The following SYTL2 variants were observed in gnomAD, a reference collection of about 807,000 sequenced individuals.
SYTL2 encodes synaptotagmin like 2.
Under a neutral mutation model 198.7 loss-of-function variants are expected in SYTL2, and 165 were observed. That is an observed-to-expected ratio of 0.83 (90% CI 0.73 to 0.94). The LOEUF (loss-of-function observed/expected upper bound fraction) is 0.94, where lower values mean the gene tolerates loss of function less well. Ranked by LOEUF, SYTL2 falls within the 40% of genes least tolerant of loss-of-function variation. The pLI, the probability that SYTL2 is intolerant of heterozygous loss-of-function variation, is 0.00. For missense variants in SYTL2, 2,835 were observed against 2,582.8 expected (o/e 1.10, Z -2.12); for synonymous variants, 966 against 917.7 (o/e 1.05, Z -0.95).
In SYTL2 at chr11:85,734,355, T is replaced by G. The variant is rs1591806247; in HGVS notation, c.974A>C (p.Asn325Thr). The stretch of plus-strand genomic sequence containing the variant: ...CACATGCTTTAATGGCTCCAGGGAG[T>G]TTGGGGAAGAGTTGTCTTCTAAAGA... ...EHSLEDNSSP[N>T]SLEPLKHVRF... Residue 325 changes from asparagine (N) to threonine (T), a missense_variant, in exon 7 of 20, where the codon AAC becomes ACC. Coordinates refer to ENST00000359152, the MANE Select transcript of SYTL2 (RefSeq NM_206927.4). 1 of 1,614,054 alleles carries G rather than the reference T, an allele frequency of 6.2e-7. No homozygotes were observed. Among genetic ancestry groups the G allele is most frequent in the Non-Finnish European group, 8.5e-7 (1 of 1,180,006 alleles).
At position 85,789,401 on chromosome 11, in the gene SYTL2, A is replaced by AT. The variant is rs1160829204; in HGVS notation, c.-390+21552dup. 1.1e-3 allele frequency among the ~76,000 whole-genome samples: 69 copies of AT among 60,460 alleles called. 1 individual carries two copies. The highest frequency in any genetic ancestry group is 1.8e-3 in the East Asian group (4 of 2,238). 39.7% of individuals were successfully genotyped at this position (60,460 alleles called of 152,430 possible). ...ATGTATATATATATATATATATATA[A>AT]TTTTTTTTTTTTTTGTAGAGACAAA... On this transcript the variant is annotated intron_variant, in intron 1 of 19. Coordinates refer to ENST00000359152, the MANE Select transcript of SYTL2 (RefSeq NM_206927.4).
chr11:85,794,918 G>A (rs1010827103), intron 1 of SYTL2, among the ~76,000 whole-genome samples: 1 of 151,854 alleles, frequency 6.6e-6, no homozygotes, highest in East Asian at 1.9e-4. Flanking sequence ...TAAAGAGATG[G>A]TCTTTCAAAA....
rs199722278 is a variant in SYTL2, at chr11:85,705,054, T to C, written c.6019-26A>G. ...CTGAAGTTCAAAGAAGAAAATTAAA[T>C]GATGAAAAACATTACTTGATGCCAA... On this transcript the variant is annotated intron_variant, in intron 15 of 19. Coordinates refer to ENST00000359152, the MANE Select transcript of SYTL2 (RefSeq NM_206927.4). 2.1e-5 allele frequency: 33 copies of C among 1,568,570 alleles called. No individual in the cohort carries two copies. In the East Asian group the frequency reaches 7.0e-4, roughly 33 times the overall value.
At chr11:85,722,113 G>T (rs573766) in intron 8 of SYTL2, among the ~76,000 whole-genome samples, 103,072 of 150,544 alleles carry the variant, frequency 0.68, 35,397 homozygotes, top group Middle Eastern at 0.72. Flanking sequence ...TATACCATTT[G>T]ATACTTCTTA....
intron 14 of SYTL2, chr11:85,708,067 G>A (rs1382586924): frequency 2.5e-6 from 1 of 406,142 alleles, no homozygotes; most frequent in Non-Finnish European, 4.8e-6. Context: ...GGAGGCTGAG[G>A]CAGGAGAATC....
At chr11:85,723,166 A>G (rs2088606895) in intron 8 of SYTL2, among the ~76,000 whole-genome samples, 1 of 152,172 alleles carries the variant, frequency 6.6e-6, no homozygotes, top group African/African-American at 2.4e-5. Flanking sequence ...TAAATAGCAA[A>G]CTGAGACAAG....
intron 1 of SYTL2, among the ~76,000 whole-genome samples, chr11:85,789,334 G>A (rs2092686407): frequency 3.6e-5 from 1 of 27,462 alleles, no homozygotes; most frequent in Non-Finnish European, 6.5e-5. Context: ...ATGTGTGTGT[G>A]TGTGTGTATA....
Position 85,757,872 on chromosome 11 carries a change from CA to C in SYTL2, c.-148del. 1.6e-6 allele frequency: 2 copies of C among 1,230,340 alleles called. No individual in the cohort carries two copies. The highest frequency in any genetic ancestry group is 2.3e-5 in the Admixed American group (1 of 43,362). 76.2% of individuals were successfully genotyped at this position (1,230,340 alleles called of 1,614,324 possible). A position where few individuals can be genotyped will look rare whatever the true frequency, so the allele number is the denominator to read the frequency against. ...GCATCAAAGTCTTATTTTGGCTCAGCAAAAGTTTAGGGCAGCTGATAGCAAG... is the reference window on the plus strand; with the variant it reads ...GCATCAAAGTCTTATTTTGGCTCAGCAAAGTTTAGGGCAGCTGATAGCAAG... On this transcript the variant is annotated 5_prime_UTR_variant, in exon 2 of 20. Transcript: ENST00000359152.
chr11:85,819,848 C>T, the SYTL2 span, among the ~76,000 whole-genome samples: 2 of 152,220 alleles, frequency 1.3e-5, no homozygotes, highest in Non-Finnish European at 2.9e-5. Context: ...ATATGTAACA[C>T]TCCACTTTAA....
intron 1 of SYTL2, among the ~76,000 whole-genome samples, chr11:85,796,287 A>G (rs2092803032): frequency 6.6e-6 from 1 of 152,210 alleles, no homozygotes; most frequent in Non-Finnish European, 1.5e-5. Flanking sequence ...TAAGAATTAA[A>G]AGGATGATTC....
chr11:85,711,084 A>G (rs2086190372), intron 13 of SYTL2, 29 bp downstream of exon 13: 1 of 1,611,708 alleles, frequency 6.2e-7, no homozygotes, highest in Non-Finnish European at 8.5e-7. Context: ...ACGCGGAGAG[A>G]TATTAATATG....
chr11:85,791,874 GC>G (rs1296465468), intron 1 of SYTL2, among the ~76,000 whole-genome samples: 1 of 152,064 alleles, frequency 6.6e-6, no homozygotes, highest in Non-Finnish European at 1.5e-5. Flanking sequence ...ACTGAGAAAG[GC>G]CCATAACTCC....
At chr11:85,812,744 A>G (rs116709775), upstream of SYTL2, among the ~76,000 whole-genome samples, 151 of 152,320 alleles carry the variant, frequency 9.9e-4, 1 homozygote, top group African/African-American at 3.5e-3. Flanking sequence ...ATTTGGGACA[A>G]TGAGGCAGAG....
chr11:85,808,012 G>A (rs759155714), intron 1 of SYTL2, among the ~76,000 whole-genome samples: 30 of 152,028 alleles, frequency 2.0e-4, no homozygotes, highest in Non-Finnish European at 4.1e-4. Context: ...GATTTGGAAC[G>A]CTATATCCCA....
the SYTL2 span, among the ~76,000 whole-genome samples, chr11:85,822,878 A>G: frequency 1.3e-4 from 20 of 152,238 alleles, no homozygotes; most frequent in Non-Finnish European, 2.6e-4. Flanking sequence ...ATGGAGGTGC[A>G]AAAAGCAATG....
intron 1 of SYTL2, among the ~76,000 whole-genome samples, chr11:85,809,558 G>C (rs540240498): frequency 6.6e-6 from 1 of 152,330 alleles, no homozygotes; most frequent in African/African-American, 2.4e-5. Context: ...ACAGGTTTTA[G>C]AATCAGAGAT....
rs759069728 is a variant in SYTL2 at position 85,736,575 on chromosome 11, C to CCG, written c.511_512insCG (p.Gly171AlafsTer46). 8 of 1,606,306 alleles carry CCG rather than the reference C, an allele frequency of 5.0e-6. No homozygotes were observed. Among genetic ancestry groups the CCG allele is most frequent in the Non-Finnish European group, 6.8e-6 (8 of 1,174,238 alleles). Reference sequence around the variant, plus strand: ...ATTTTTAGTTTGTTGTGATGAGTGACCTTCTGGCAACTTGGAGCTATTAAA... The same window carrying CCG: ...ATTTTTAGTTTGTTGTGATGAGTGACCGCTTCTGGCAACTTGGAGCTATTAAA... On this transcript the variant is annotated frameshift_variant, in exon 6 of 20. Transcript: ENST00000359152. LOFTEE classifies it high-confidence loss of function.
At chr11:85,818,406 G>C in the SYTL2 span, among the ~76,000 whole-genome samples, 1 of 152,170 alleles carries the variant, frequency 6.6e-6, no homozygotes, top group Admixed American at 6.5e-5. Context: ...ATTAGGGTTT[G>C]CTGTTGATTC....
intron 13 of SYTL2, 79 bp downstream of exon 13, chr11:85,711,034 T>A: frequency 6.7e-7 from 1 of 1,483,730 alleles, no homozygotes; most frequent in Non-Finnish European, 9.1e-7. Flanking sequence ...GAGGAGGCTG[T>A]TTTACAATGA....
Sources: gnomAD v4.1 joint callset for allele counts (sites outside exome capture counted in the v4.1 genomes callset) on GRCh38, gnomAD v4.1.1 for gene constraint, MANE v1.5 for transcripts, NCBI Gene and HGNC (gene_info 2026-07-23, HGNC 2026-07-21) for gene names.